The following CRTC1 variants were observed in gnomAD, a reference collection of about 807,000 sequenced individuals.
CRTC1 encodes the protein CREB regulated transcription coactivator 1, also known as CREB-regulated transcription coactivator 1.
Under a neutral mutation model 66.1 loss-of-function variants are expected in CRTC1, and 18 were observed. The ratio of observed to expected loss-of-function variants is 0.27; its 90% CI spans 0.19 to 0.40. The LOEUF (loss-of-function observed/expected upper bound fraction) is 0.40, where lower values mean the gene tolerates loss of function less well. CRTC1 is among the 10% of genes least tolerant of loss of function. The pLI is 1.00. For missense variants in CRTC1, 669 were observed against 887.9 expected, an observed-to-expected ratio of 0.75 and a Z score of 3.13; for synonymous variants, 416 against 398.8, an observed-to-expected ratio of 1.04 and a Z score of -0.51.
chr19:18,735,072 C>T (rs940557724), intron 1 of CRTC1, among the ~76,000 whole-genome samples: 4 of 152,220 alleles, frequency 2.6e-5, no homozygotes, highest in African/African-American at 4.8e-5. Flanking sequence ...GAGCAAAATG[C>T]GTGAGATCTG....
At chr19:18,693,386 C>CT (rs1202238585) in intron 1 of CRTC1, among the ~76,000 whole-genome samples, 1 of 66,248 alleles carries the variant, frequency 1.5e-5, no homozygotes, top group Non-Finnish European at 2.5e-5. Context: ...GAGACACCGT[C>CT]TAAAAAAAAA....
rs942540623 is a variant in CRTC1 at position 18,748,085 on chromosome 19, A to G, written c.443+971A>G. ...GAGCGAGACCCTGTCTCCAAGGCCT[A>G]AAATAACAATAATATAGTTAATATA... On this transcript the variant is annotated intron_variant, in intron 4 of 13. Coordinates refer to ENST00000321949, the MANE Select transcript of CRTC1 (RefSeq NM_015321.3). 1.6e-4 allele frequency among the ~76,000 whole-genome samples: 24 copies of G among 152,324 alleles called. 1 individual carries two copies. Among genetic ancestry groups the G allele is most frequent in the Middle Eastern group, 6.8e-3 (2 of 294 alleles).
At chr19:18,694,679 T>C (rs1359062664) in intron 1 of CRTC1, among the ~76,000 whole-genome samples, 3 of 152,078 alleles carry the variant, frequency 2.0e-5, no homozygotes, top group African/African-American at 7.2e-5. Context: ...CAAGCAATTG[T>C]CCCATCTTGG....
At chr19:18,696,435 A>G (rs773169669) in intron 1 of CRTC1, among the ~76,000 whole-genome samples, 3 of 152,156 alleles carry the variant, frequency 2.0e-5, no homozygotes, top group Non-Finnish European at 4.4e-5. Flanking sequence ...CCTTGCTAGA[A>G]TCCATGTATT....
intron 1 of CRTC1, among the ~76,000 whole-genome samples, chr19:18,686,545 G>C (rs1345737044): frequency 6.6e-6 from 1 of 152,202 alleles, no homozygotes; most frequent in Non-Finnish European, 1.5e-5. Flanking sequence ...TACTCGGGAG[G>C]CTTAGACAGA....
chr19:18,758,105 G>A (rs1011343275), intron 6 of CRTC1, among the ~76,000 whole-genome samples: 4 of 151,708 alleles, frequency 2.6e-5, no homozygotes, highest in Non-Finnish European at 4.4e-5. Flanking sequence ...GCTCATGCCT[G>A]TAATCCCAGC....
chr19:18,744,746 C>T (rs1010475107), intron 2 of CRTC1, among the ~76,000 whole-genome samples: 6 of 152,150 alleles, frequency 3.9e-5, no homozygotes, highest in Non-Finnish European at 5.9e-5. Flanking sequence ...CTCCCATGCC[C>T]ACAGCCTTTT....
rs1287469381 is a variant in CRTC1, at chr19:18,759,651, G to A, written c.665+60G>A. On this transcript the variant is annotated intron_variant, in intron 7 of 13. Coordinates refer to ENST00000321949, the MANE Select transcript of CRTC1 (RefSeq NM_015321.3). The stretch of plus-strand genomic sequence containing the variant: ...TCTGCTGCGCTGCTCCGTCCACCCT[G>A]GGGCATTCTGTCCACTCTCTTGAGG... The A allele has an allele frequency of 3.8e-6, 6 of 1,566,642 alleles. No individual in the cohort carries two copies. In the African/African-American group the frequency reaches 6.8e-5, roughly 18 times the overall value.
In CRTC1 at chr19:18,768,203, G is replaced by A. The variant is rs1323097934; in HGVS notation, c.1012-282G>A. ...CCATCCTGGGCTTGCCCTGCAGCTG[G>A]TGGACTGGCCTGAGCTGCACGGCAT... On this transcript the variant is annotated intron_variant, in intron 9 of 13. Coordinates refer to ENST00000321949, the MANE Select transcript of CRTC1 (RefSeq NM_015321.3). The surrounding 1 kb of genome is among the most constrained non-coding windows in gnomAD (Gnocchi z 5.6). 2.0e-5 allele frequency among the ~76,000 whole-genome samples: 3 copies of A among 152,204 alleles called. No homozygotes were observed. The East Asian group carries it at 5.8e-4, about 29-fold the overall frequency.
intron 1 of CRTC1, among the ~76,000 whole-genome samples, chr19:18,706,366 C>T (rs571588093): frequency 1.3e-5 from 2 of 151,434 alleles, no homozygotes; most frequent in East Asian, 1.9e-4. Flanking sequence ...TCACCACACT[C>T]AGCTAATTTT....
rs146660043 is a variant in CRTC1, at chr19:18,712,855, G to A, written c.126+29027G>A. 4.4e-3 allele frequency among the ~76,000 whole-genome samples: 668 copies of A among 152,086 alleles called. 6 individuals carry two copies. Among genetic ancestry groups the A allele is most frequent in the African/African-American group, 0.015 (611 of 41,502 alleles). ...TACGGCTGTAATCCCAGCTACCTGGGAGGCTGAGGCAGGAGAATGGCTTGA... is the reference window on the plus strand; with the variant it reads ...TACGGCTGTAATCCCAGCTACCTGGAAGGCTGAGGCAGGAGAATGGCTTGA... On this transcript the variant is annotated intron_variant, in intron 1 of 13. Transcript: ENST00000321949.
At position 18,769,219 on chromosome 19, in the gene CRTC1, C is replaced by T. The variant is rs189723199; in HGVS notation, c.1320+426C>T. On this transcript the variant is annotated intron_variant, in intron 10 of 13. Coordinates refer to ENST00000321949, the MANE Select transcript of CRTC1 (RefSeq NM_015321.3). ...GAGGCCAGTCCAAGAGGCGGCAGCC[C>T]GTTGGGCACAGCGCCTGGGGCCCAG... 9.8e-5 allele frequency among the ~76,000 whole-genome samples: 15 copies of T among 152,328 alleles called. No individual in the cohort carries two copies. The East Asian group carries it at 2.3e-3, about 24-fold the overall frequency.
intron 6 of CRTC1, among the ~76,000 whole-genome samples, chr19:18,759,158 A>C (rs922112329): frequency 1.3e-5 from 2 of 152,190 alleles, no homozygotes; most frequent in African/African-American, 4.8e-5. Context: ...AGCTGTGATC[A>C]CACCACTGCA....
intron 5 of CRTC1, among the ~76,000 whole-genome samples, chr19:18,751,482 C>G (rs1460666050): frequency 2.0e-5 from 3 of 152,028 alleles, no homozygotes; most frequent in Non-Finnish European, 4.4e-5. Context: ...GAGCCAAGAT[C>G]ACGCCACTGC....
Position 18,749,893 on chromosome 19 carries a change from G to C in CRTC1, c.538+18G>C. On this transcript the variant is annotated intron_variant, in intron 5 of 13. Transcript: ENST00000321949. Reference sequence around the variant, plus strand: ...GAAAAGAGGTATGGACAGGGGACTCGGGTGTCTCTGCTGGGGTGAGGCAAG... The same window carrying C: ...GAAAAGAGGTATGGACAGGGGACTCCGGTGTCTCTGCTGGGGTGAGGCAAG... 6.2e-7 allele frequency: 1 copy of C among 1,604,890 alleles called. No homozygotes were observed. The highest frequency in any genetic ancestry group is 8.5e-7 in the Non-Finnish European group (1 of 1,172,062).
chr19:18,757,305 C>T (rs779483284), intron 6 of CRTC1, among the ~76,000 whole-genome samples: 8 of 152,134 alleles, frequency 5.3e-5, no homozygotes, highest in African/African-American at 9.7e-5. Flanking sequence ...TGTAGTTCCC[C>T]AGGGCCTGCA....
chr19:18,755,108 C>T (rs1376586040), intron 6 of CRTC1, among the ~76,000 whole-genome samples: 1 of 151,804 alleles, frequency 6.6e-6, no homozygotes, highest in East Asian at 1.9e-4. Flanking sequence ...CCTGCCTCAG[C>T]CTCCCGAGTA....
At chr19:18,727,580 C>CAAAAAAAAAAAA (rs60907638) in intron 1 of CRTC1, among the ~76,000 whole-genome samples, 2,147 of 51,588 alleles carry the variant, frequency 0.042, 289 homozygotes, top group Non-Finnish European at 0.059. Context: ...GACTCTGTCT[C>CAAAAAAAAAAAA]AAAAAAAAAA....
intron 1 of CRTC1, among the ~76,000 whole-genome samples, chr19:18,713,761 G>A (rs1175769407): frequency 6.6e-6 from 1 of 152,218 alleles, no homozygotes; most frequent in Non-Finnish European, 1.5e-5. Context: ...TATATGAAGT[G>A]GCGTGCCCAG....
Sources: gnomAD v4.1 joint callset for allele counts (sites outside exome capture counted in the v4.1 genomes callset) on GRCh38, gnomAD v4.1.1 for gene constraint, Gnocchi (gnomAD v3.1) non-coding constraint, MANE v1.5 for transcripts, NCBI Gene and HGNC (gene_info 2026-07-23, HGNC 2026-07-21) for gene names.